OPCML: variants seen among roughly 807,000 people sequenced by gnomAD.
The protein encoded by OPCML is opioid binding protein/cell adhesion molecule like.
OPCML carries 13 observed loss-of-function variants against 37.8 expected under a neutral mutation model. The ratio of observed to expected loss-of-function variants is 0.34; its 90% confidence interval spans 0.22 to 0.55. The LOEUF is 0.55. Among genes scored for constraint, OPCML ranks in the 20% least tolerant of loss-of-function variants. OPCML has a pLI of 0.91. For synonymous variants in OPCML, 176 were observed against 168.8 expected (o/e 1.04, Z -0.33); for missense variants, 341 against 435.6 (o/e 0.78, Z 1.93).
chr11:133,402,952 G>A (rs1945440644), intron 1 of OPCML, among the ~76,000 whole-genome samples: 1 of 152,156 alleles, frequency 6.6e-6, no homozygotes, highest in South Asian at 2.1e-4. Context: ...ATGAATCCAG[G>A]AAAATCTTAA....
intron 1 of OPCML, chr11:133,117,707 TAAAA>T (rs373752898): frequency 1.2e-6 from 1 of 838,168 alleles, no homozygotes; most frequent in Non-Finnish European, 1.4e-6. Context: ...ACTCTCAAAA[TAAAA>T]AAAGTATTAT....
chr11:132,959,184 CT>C (rs1218582034), intron 1 of OPCML, among the ~76,000 whole-genome samples: 1 of 152,154 alleles, frequency 6.6e-6, no homozygotes, highest in Non-Finnish European at 1.5e-5. Flanking sequence ...TCATGGATGA[CT>C]TTGAGGGGTT....
At chr11:133,403,967 C>T (rs190332324) in intron 1 of OPCML, among the ~76,000 whole-genome samples, 1 of 152,300 alleles carries the variant, frequency 6.6e-6, no homozygotes, top group Non-Finnish European at 1.5e-5. Context: ...AGTAGTGTTG[C>T]TTTGAACCAT....
chr11:133,049,580 C>T (rs1948092458), intron 1 of OPCML, among the ~76,000 whole-genome samples: 1 of 152,206 alleles, frequency 6.6e-6, no homozygotes, highest in South Asian at 2.1e-4. Context: ...AAGTTGATCG[C>T]AGATGAGGAA....
At chr11:133,352,528 T>G (rs1944165769) in intron 1 of OPCML, among the ~76,000 whole-genome samples, 1 of 152,248 alleles carries the variant, frequency 6.6e-6, no homozygotes, top group Non-Finnish European at 1.5e-5. Flanking sequence ...CGTATGTATT[T>G]TGCATTATTA....
At chr11:132,775,393 T>C (rs1184813453) in intron 2 of OPCML, among the ~76,000 whole-genome samples, 1 of 152,246 alleles carries the variant, frequency 6.6e-6, no homozygotes, top group Non-Finnish European at 1.5e-5. Flanking sequence ...CTTTTTGTTA[T>C]GTGACCTGAT....
At chr11:132,541,055 G>A (rs2096355195) in intron 3 of OPCML, among the ~76,000 whole-genome samples, 1 of 152,104 alleles carries the variant, frequency 6.6e-6, no homozygotes, top group Non-Finnish European at 1.5e-5. Flanking sequence ...AGTCAAAATA[G>A]ACGTTAGGGA....
chr11:133,027,490 TTG>T (rs72047458), intron 1 of OPCML, among the ~76,000 whole-genome samples: 4,633 of 110,712 alleles, frequency 0.042, 168 homozygotes, highest in South Asian at 0.13. Context: ...TGTGTGTGTG[TTG>T]TGTGTGTGTG....
At chr11:133,125,983 GAC>G (rs1378812018) in intron 1 of OPCML, among the ~76,000 whole-genome samples, 18 of 147,198 alleles carry the variant, frequency 1.2e-4, no homozygotes, top group South Asian at 4.3e-4. Flanking sequence ...TGTATATATA[GAC>G]ACACGTATAT....
chr11:132,729,531 C>A (rs1268687710), intron 2 of OPCML, among the ~76,000 whole-genome samples: 1 of 152,174 alleles, frequency 6.6e-6, no homozygotes, highest in Non-Finnish European at 1.5e-5. Context: ...TTCTGGAACT[C>A]CCAGACAGGT....
At chr11:133,450,456 A>T (rs1025401439) in intron 1 of OPCML, among the ~76,000 whole-genome samples, 2 of 151,576 alleles carry the variant, frequency 1.3e-5, no homozygotes, top group Non-Finnish European at 2.9e-5. Flanking sequence ...AGCTGTAATC[A>T]ACCTTTCTAA....
At chr11:132,539,531 C>CTGCTGA (rs1555148542) in intron 3 of OPCML, among the ~76,000 whole-genome samples, 2 of 150,710 alleles carry the variant, frequency 1.3e-5, no homozygotes, top group African/African-American at 4.9e-5. Flanking sequence ...GCTGCTGCTG[C>CTGCTGA]TGATGATGAT....
intron 2 of OPCML, among the ~76,000 whole-genome samples, chr11:132,888,419 A>G (rs973854644): frequency 2.6e-5 from 4 of 152,190 alleles, no homozygotes; most frequent in African/African-American, 9.7e-5. Context: ...TGCCTTCAGC[A>G]TGCTCGGTGA....
chr11:132,745,618 A>G (rs1316687400), intron 2 of OPCML, among the ~76,000 whole-genome samples: 1 of 150,600 alleles, frequency 6.6e-6, no homozygotes, highest in Non-Finnish European at 1.5e-5. Flanking sequence ...AAAAAAGGAC[A>G]ATGGTCTTAA....
intron 2 of OPCML, among the ~76,000 whole-genome samples, chr11:132,919,334 A>G (rs1345286288): frequency 6.6e-6 from 1 of 152,158 alleles, no homozygotes; most frequent in Non-Finnish European, 1.5e-5. Context: ...TGAGAAATTC[A>G]CATGTGCAGA....
chr11:132,709,367 A>G (rs1286225770), intron 2 of OPCML, among the ~76,000 whole-genome samples: 1 of 152,256 alleles, frequency 6.6e-6, no homozygotes. Context: ...TTTAAAAACC[A>G]TGGTACAATA....
At chr11:133,353,829 C>A (rs1944198763) in intron 1 of OPCML, among the ~76,000 whole-genome samples, 1 of 152,208 alleles carries the variant, frequency 6.6e-6, no homozygotes, top group Admixed American at 6.5e-5. Flanking sequence ...GCCTGCTGTT[C>A]CATCAACTTT....
intron 7 of OPCML, among the ~76,000 whole-genome samples, chr11:132,421,373 G>A (rs1324249436): frequency 2.0e-5 from 3 of 152,160 alleles, no homozygotes; most frequent in Non-Finnish European, 1.5e-5. Context: ...TCTCAAGCCA[G>A]GACTTCACAG....
intron 1 of OPCML, among the ~76,000 whole-genome samples, chr11:133,224,589 T>G (rs1188523726): frequency 6.6e-6 from 1 of 152,210 alleles, no homozygotes; most frequent in Non-Finnish European, 1.5e-5. Context: ...CCCAAAGAGA[T>G]GGTTGTCATT....
Sources: gnomAD v4.1 joint callset for allele counts (sites outside exome capture counted in the v4.1 genomes callset) on GRCh38, gnomAD v4.1.1 for gene constraint, MANE v1.5 for transcripts, NCBI Gene and HGNC (gene_info 2026-07-23, HGNC 2026-07-21) for gene names.